Variants in PARD3 observed in about 807,000 individuals in gnomAD.
PARD3 encodes the protein par-3 family cell polarity regulator.
PARD3 carries 75 observed loss-of-function variants against 155.4 expected under a neutral mutation model. The observed-to-expected ratio is 0.48, with a 90% confidence interval of 0.40 to 0.58. The LOEUF (loss-of-function observed/expected upper bound fraction) is 0.58. Ranked by LOEUF, PARD3 falls within the 20% of genes least tolerant of loss-of-function variation. PARD3 has a pLI of 0.00. For missense variants in PARD3, 1,642 were observed against 1,721.7 expected (o/e 0.95, Z 0.82); for synonymous variants, 576 against 610.5 (o/e 0.94, Z 0.83).
intron 3 of PARD3, among the ~76,000 whole-genome samples, chr10:34,490,095 C>T (rs2079789209): frequency 6.6e-6 from 1 of 152,142 alleles, no homozygotes; most frequent in African/African-American, 2.4e-5. Context: ...CCTACATCTA[C>T]CATCACTGCC....
At chr10:34,471,867 T>C (rs1435222095) in intron 3 of PARD3, among the ~76,000 whole-genome samples, 2 of 152,198 alleles carry the variant, frequency 1.3e-5, no homozygotes, top group Admixed American at 6.5e-5. Context: ...TCTAATGACA[T>C]AGCTTTAACC....
chr10:34,396,528 T>C (rs1013591258), intron 7 of PARD3, among the ~76,000 whole-genome samples: 4 of 152,198 alleles, frequency 2.6e-5, no homozygotes, highest in Non-Finnish European at 4.4e-5. Context: ...CTCTTCAAAA[T>C]ATACAATTGG....
chr10:34,327,104 C>T (rs977669028), intron 19 of PARD3, among the ~76,000 whole-genome samples: 2 of 152,130 alleles, frequency 1.3e-5, no homozygotes, highest in Non-Finnish European at 2.9e-5. Context: ...CATGCATTTT[C>T]TTGGTAGCAA....
chr10:34,720,117 G>A (rs561211809), intron 1 of PARD3, among the ~76,000 whole-genome samples: 1 of 152,324 alleles, frequency 6.6e-6, no homozygotes, highest in East Asian at 1.9e-4. Context: ...CTGACATGTG[G>A]GTTTGTTTTG....
chr10:34,683,971 C>T (rs1162643525), intron 2 of PARD3, among the ~76,000 whole-genome samples: 2 of 152,180 alleles, frequency 1.3e-5, no homozygotes, highest in Non-Finnish European at 2.9e-5. Context: ...TAAATATTTG[C>T]TTCTTTACAC....
chr10:34,787,715 G>C (rs1178331268), intron 1 of PARD3, among the ~76,000 whole-genome samples: 4 of 151,392 alleles, frequency 2.6e-5, no homozygotes, highest in African/African-American at 9.7e-5. Context: ...GTCAGGCTAG[G>C]AGAAAATATA....
At chr10:34,250,074 C>T (rs1954203372) in intron 22 of PARD3, among the ~76,000 whole-genome samples, 1 of 152,122 alleles carries the variant, frequency 6.6e-6, no homozygotes, top group Admixed American at 6.5e-5. Context: ...ATAAGTCCAT[C>T]CTAATTCTTG....
At chr10:34,747,583 C>A (rs1835469466) in intron 1 of PARD3, among the ~76,000 whole-genome samples, 2 of 152,172 alleles carry the variant, frequency 1.3e-5, no homozygotes, top group African/African-American at 4.8e-5. Flanking sequence ...TTTGCCAATA[C>A]CCTCTTCACT....
At chr10:34,755,099 CAAG>C (rs1181671784) in intron 1 of PARD3, among the ~76,000 whole-genome samples, 3 of 142,106 alleles carry the variant, frequency 2.1e-5, no homozygotes, top group African/African-American at 6.3e-5. Context: ...CTGACAGCTT[CAAG>C]AAGAATTGCT....
intron 5 of PARD3, among the ~76,000 whole-genome samples, chr10:34,441,890 C>T (rs966990962): frequency 5.3e-5 from 8 of 152,056 alleles, no homozygotes; most frequent in African/African-American, 1.7e-4. Context: ...GGTAACAAGT[C>T]TCTTAAAAGG....
chr10:34,384,283 A>C (rs1296541330), intron 7 of PARD3, 29 bp from the exon 8 acceptor site: 1 of 1,603,660 alleles, frequency 6.2e-7, no homozygotes, highest in Admixed American at 1.7e-5. Flanking sequence ...AAATGATTAC[A>C]CATGTAATAT....
chr10:34,462,325 G>T (rs549143508), intron 4 of PARD3, among the ~76,000 whole-genome samples: 1 of 152,236 alleles, frequency 6.6e-6, no homozygotes, highest in East Asian at 1.9e-4. Flanking sequence ...GCTATGCTTG[G>T]CTCACAAATA....
At chr10:34,577,601 C>A (rs1267324125) in intron 2 of PARD3, among the ~76,000 whole-genome samples, 1 of 152,184 alleles carries the variant, frequency 6.6e-6, no homozygotes, top group Non-Finnish European at 1.5e-5. Context: ...TTCCTTCTGT[C>A]TAAATCCATC....
chr10:34,457,215 T>C (rs2077383795), intron 4 of PARD3, among the ~76,000 whole-genome samples: 1 of 152,092 alleles, frequency 6.6e-6, no homozygotes. Context: ...TGGTCAAAAA[T>C]CTCTCCTGGA....
At chr10:34,135,312 C>T (rs1947834923) in intron 22 of PARD3, among the ~76,000 whole-genome samples, 1 of 152,224 alleles carries the variant, frequency 6.6e-6, no homozygotes, top group African/African-American at 2.4e-5. Context: ...AACTTAATTT[C>T]ACGTTCTAAC....
intron 3 of PARD3, among the ~76,000 whole-genome samples, chr10:34,505,640 G>A (rs986771847): frequency 6.6e-6 from 1 of 152,122 alleles, no homozygotes; most frequent in African/African-American, 2.4e-5. Context: ...TGAATGCCAG[G>A]CCAATGTCTA....
chr10:34,511,438 G>A (rs992734075), intron 3 of PARD3, among the ~76,000 whole-genome samples: 6 of 152,046 alleles, frequency 3.9e-5, no homozygotes, highest in South Asian at 2.1e-4. Context: ...TCACAGTCCC[G>A]GAGCCCAAGA....
chr10:34,133,284 G>A (rs1214537666), intron 22 of PARD3, among the ~76,000 whole-genome samples: 3 of 152,088 alleles, frequency 2.0e-5, no homozygotes, highest in African/African-American at 4.8e-5. Context: ...CTGGAACCCC[G>A]GCTCCCGTAC....
chr10:34,646,457 T>TGATA (rs2092841190), intron 2 of PARD3, among the ~76,000 whole-genome samples: 1 of 152,200 alleles, frequency 6.6e-6, no homozygotes, highest in Admixed American at 6.5e-5. Context: ...ATGATAGCAA[T>TGATA]GCTATAAAGT....
Sources: gnomAD v4.1 joint callset for allele counts (sites outside exome capture counted in the v4.1 genomes callset) on GRCh38, gnomAD v4.1.1 for gene constraint, MANE v1.5 for transcripts, NCBI Gene and HGNC (gene_info 2026-07-23, HGNC 2026-07-21) for gene names.